NKAIN3: variants seen among roughly 807,000 people sequenced by gnomAD.
The protein encoded by NKAIN3 is sodium/potassium-transporting ATPase subunit beta-1-interacting protein 3.
A neutral mutation model predicts 30.2 loss-of-function variants in NKAIN3; 25 were observed. The observed-to-expected ratio is 0.83, with a 90% CI of 0.60 to 1.16. The LOEUF (loss-of-function observed/expected upper bound fraction) is 1.16, where lower values mean the gene tolerates loss of function less well. Among genes scored for constraint, NKAIN3 ranks in the 50% most tolerant of loss-of-function variants. The pLI is 0.00. For synonymous variants in NKAIN3, 91 were observed against 89.6 expected (o/e 1.02, Z -0.09); for missense variants, 225 against 254.1 (o/e 0.89, Z 0.78).
At position 62,867,054 on chromosome 8, in the gene NKAIN3, TA is replaced by T. The variant is rs11444625; in HGVS notation, c.472-51384del. Among the ~76,000 whole-genome samples, 349 of 119,572 alleles carry T rather than the reference TA, an allele frequency of 2.9e-3. 1 individual carries two copies. Among genetic ancestry groups the T allele is most frequent in the African/African-American group, 7.9e-3 (244 of 31,062 alleles). The allele number at this position is 119,572 out of a possible 152,430, so 78.4% of individuals were successfully genotyped here. On this transcript the variant is annotated intron_variant, in intron 4 of 6. Coordinates refer to ENST00000623646, the MANE Select transcript of NKAIN3 (RefSeq NM_001304533.3). ...TGGGCGACAGAGCGAGACTCCGTCTTAAAAAAAAAAAAAAATTAAACTGTTT... is the reference window on the plus strand; with the variant it reads ...TGGGCGACAGAGCGAGACTCCGTCTTAAAAAAAAAAAAAATTAAACTGTTT...
intron 4 of NKAIN3, among the ~76,000 whole-genome samples, chr8:62,892,075 G>T (rs1483772212): frequency 1.3e-5 from 2 of 152,184 alleles, no homozygotes; most frequent in Non-Finnish European, 2.9e-5. Context: ...AGATACAATA[G>T]ATTCCTAAGG....
chr8:62,863,611 G>A lies in NKAIN3; in HGVS notation c.472-54842G>A, dbSNP rs141211874. 7 of 1,191,706 alleles carry A rather than the reference G, an allele frequency of 5.9e-6. No homozygotes were observed. The East Asian group carries it at 1.2e-4, about 20-fold the overall frequency. 73.8% of individuals were successfully genotyped at this position (1,191,706 alleles called of 1,614,324 possible). ...TCATGCCTGAAATCTTGAAGTCAAC[G>A]AGCTGGATCACCATGTCTTTGTTTG... On this transcript the variant is annotated intron_variant, in intron 4 of 6. Transcript: ENST00000623646.
chr8:62,588,863 C>G (rs1162301258), intron 2 of NKAIN3, among the ~76,000 whole-genome samples: 2 of 151,652 alleles, frequency 1.3e-5, no homozygotes, highest in Non-Finnish European at 3.0e-5. Context: ...CTCAGTCATC[C>G]TAGCTGGTCT....
chr8:62,997,057 G>C (rs921982961), intron 5 of NKAIN3, among the ~76,000 whole-genome samples: 1 of 152,184 alleles, frequency 6.6e-6, no homozygotes, highest in African/African-American at 2.4e-5. Context: ...GACTCTGTGT[G>C]GGGGCTCCAG....
At chr8:62,829,742 T>TAGATAGATA (rs150752664) in intron 4 of NKAIN3, among the ~76,000 whole-genome samples, 1 of 150,266 alleles carries the variant, frequency 6.7e-6, no homozygotes, top group Non-Finnish European at 1.5e-5. Flanking sequence ...GATAGATAGA[T>TAGATAGATA]GATAGATAGA....
intron 4 of NKAIN3, among the ~76,000 whole-genome samples, chr8:62,879,108 A>G (rs2130811105): frequency 6.6e-6 from 1 of 152,278 alleles, no homozygotes; most frequent in Middle Eastern, 3.4e-3. Flanking sequence ...CAACGGTTGA[A>G]CTAGTTTACA....
intron 1 of NKAIN3, among the ~76,000 whole-genome samples, chr8:62,459,537 A>G (rs569381305): frequency 6.6e-6 from 1 of 152,316 alleles, no homozygotes; most frequent in East Asian, 1.9e-4. Context: ...ACATTTTGGT[A>G]GAAGAAGCCA....
chr8:62,476,981 C>T lies in NKAIN3; in HGVS notation c.55-102558C>T, dbSNP rs922129253. Among the ~76,000 whole-genome samples the T allele has an allele frequency of 8.6e-5, 13 of 152,004 alleles. No individual in the cohort carries two copies. The South Asian group carries it at 1.5e-3, about 17-fold the overall frequency. Reference sequence around the variant, plus strand: ...TGTGACTTCAGGGTGGAAAGATATGCGGTTTGACTACAAATGTATAGTCAG... The same window carrying T: ...TGTGACTTCAGGGTGGAAAGATATGTGGTTTGACTACAAATGTATAGTCAG... On this transcript the variant is annotated intron_variant, in intron 1 of 6. Transcript: ENST00000623646.
At chr8:62,498,714 CTT>C (rs35892368) in intron 1 of NKAIN3, among the ~76,000 whole-genome samples, 11 of 145,466 alleles carry the variant, frequency 7.6e-5, no homozygotes, top group Non-Finnish European at 9.1e-5. Context: ...GGATGTATGT[CTT>C]TTTTTTTTTT....
intron 1 of NKAIN3, among the ~76,000 whole-genome samples, chr8:62,254,971 ACT>A (rs1812220154): frequency 6.6e-6 from 1 of 152,176 alleles, no homozygotes; most frequent in African/African-American, 2.4e-5. Flanking sequence ...ATAGCAGAAC[ACT>A]CTGACAGCAA....
chr8:62,943,260 C>T (rs767252515), intron 5 of NKAIN3, among the ~76,000 whole-genome samples: 65 of 151,882 alleles, frequency 4.3e-4, no homozygotes, highest in Admixed American at 3.4e-3. Context: ...AAAGAAGATA[C>T]GCAAATTGTG....
rs1326419167 is a variant in NKAIN3, at chr8:62,345,536, CATATATACACATATATGT to C, written c.54+96426_54+96443del. Among the ~76,000 whole-genome samples, 69 of 130,228 alleles carry C rather than the reference CATATATACACATATATGT, an allele frequency of 5.3e-4. 4 individuals carry two copies. The East Asian group carries it at 0.012, about 23-fold the overall frequency. 85.4% of individuals were successfully genotyped at this position (130,228 alleles called of 152,430 possible). ...ATACACATATATGTATATATACACA[CATATATACACATATATGT>C]ATATATACACATATATACACATATA... On this transcript the variant is annotated intron_variant, in intron 1 of 6. Coordinates refer to ENST00000623646, the MANE Select transcript of NKAIN3 (RefSeq NM_001304533.3).
At chr8:62,571,172 A>G (rs959240546) in intron 1 of NKAIN3, among the ~76,000 whole-genome samples, 3 of 146,894 alleles carry the variant, frequency 2.0e-5, no homozygotes, top group African/African-American at 7.6e-5. Context: ...GTCTCACTCT[A>G]CTGCCCAGAC....
intron 1 of NKAIN3, among the ~76,000 whole-genome samples, chr8:62,427,213 A>G (rs1319686040): frequency 6.6e-6 from 1 of 152,018 alleles, no homozygotes; most frequent in African/African-American, 2.4e-5. Flanking sequence ...ATATATCACA[A>G]TTTTTGGAAA....
rs186724121 is a variant in NKAIN3, at chr8:62,558,569, T to C, written c.55-20970T>C. On this transcript the variant is annotated intron_variant, in intron 1 of 6. Coordinates refer to ENST00000623646, the MANE Select transcript of NKAIN3 (RefSeq NM_001304533.3). ...AAATGCACATTTTAAAAGTCAGTTATAGAACAATTATGAAAATTGCTAACA... is the reference window on the plus strand; with the variant it reads ...AAATGCACATTTTAAAAGTCAGTTACAGAACAATTATGAAAATTGCTAACA... 4.1e-3 allele frequency among the ~76,000 whole-genome samples: 627 copies of C among 152,208 alleles called. 2 individuals carry two copies. The highest frequency in any genetic ancestry group is 6.0e-3 in the Admixed American group (91 of 15,254).
chr8:62,473,898 T>C (rs942913601), intron 1 of NKAIN3: 4 of 152,176 alleles, frequency 2.6e-5, no homozygotes, highest in Non-Finnish European at 5.9e-5. Flanking sequence ...AATTTTAATA[T>C]GTCTATTTTG....
At chr8:62,487,176 C>T (rs531746999) in intron 1 of NKAIN3, among the ~76,000 whole-genome samples, 4 of 152,266 alleles carry the variant, frequency 2.6e-5, no homozygotes, top group South Asian at 2.1e-4. Flanking sequence ...GCTGGCTCCC[C>T]GTTTACCCAG....
chr8:62,962,584 T>A (rs1036902212), intron 6 of NKAIN3, among the ~76,000 whole-genome samples: 8 of 152,198 alleles, frequency 5.3e-5, no homozygotes, highest in African/African-American at 1.9e-4. Context: ...CACTGTGGGA[T>A]ATTTAACAGC....
At chr8:62,797,145 G>A (rs1817887707) in intron 4 of NKAIN3, among the ~76,000 whole-genome samples, 1 of 152,172 alleles carries the variant, frequency 6.6e-6, no homozygotes, top group Non-Finnish European at 1.5e-5. Context: ...TCCTCAGGAG[G>A]ATTAAAACTC....
Sources: gnomAD v4.1 joint callset for allele counts (sites outside exome capture counted in the v4.1 genomes callset) on GRCh38, gnomAD v4.1.1 for gene constraint, MANE v1.5 for transcripts, NCBI Gene and HGNC (gene_info 2026-07-23, HGNC 2026-07-21) for gene names.